TCL1B: variants seen among roughly 807,000 people sequenced by gnomAD.
The protein encoded by TCL1B is T-cell leukemia/lymphoma protein 1B.
TCL1B carries 14 observed loss-of-function variants against 16.9 expected under a neutral mutation model. The ratio of observed to expected loss-of-function variants is 0.83; its 90% CI spans 0.55 to 1.30. The LOEUF is 1.30. Ranked by LOEUF, TCL1B falls within the 50% of genes most tolerant of loss-of-function variation. The probability of loss-of-function intolerance (pLI) is 0.00; values close to 1 mark genes in which losing one functional copy is unlikely to be tolerated. For synonymous variants in TCL1B, 79 were observed against 66.6 expected (o/e 1.19, Z -0.91); for missense variants, 166 against 165.2 (o/e 1.00, Z -0.03).
intron 1 of TCL1B, among the ~76,000 whole-genome samples, chr14:95,687,554 T>C (rs1885788309): frequency 6.6e-6 from 1 of 152,186 alleles, no homozygotes; most frequent in South Asian, 2.1e-4. Context: ...TTTCCCAAAA[T>C]ATTTTTAATC....
intron 1 of TCL1B, among the ~76,000 whole-genome samples, chr14:95,690,122 C>T (rs1885848197): frequency 6.6e-6 from 1 of 152,218 alleles, no homozygotes; most frequent in African/African-American, 2.4e-5. Context: ...CTCACCTTAG[C>T]TTCCCGAGTA....
intron 1 of TCL1B, among the ~76,000 whole-genome samples, chr14:95,686,939 A>T (rs930341339): frequency 6.6e-6 from 1 of 152,158 alleles, no homozygotes; most frequent in Non-Finnish European, 1.5e-5. Context: ...TGGGGCAGCT[A>T]TTGAGCTGGG....
At chr14:95,686,959 A>AT (rs2075003045) in intron 1 of TCL1B, among the ~76,000 whole-genome samples, 1 of 152,186 alleles carries the variant, frequency 6.6e-6, no homozygotes, top group Non-Finnish European at 1.5e-5. Flanking sequence ...GCTTTGTGGG[A>AT]TGAGTAGGAG....
Position 95,691,054 on chromosome 14 carries a change from T to C in TCL1B, c.333+148T>C, listed in dbSNP as rs1002604954. 2.7e-6 allele frequency: 3 copies of C among 1,131,872 alleles called. No individual in the cohort carries two copies. In the African/African-American group the frequency reaches 4.7e-5, roughly 18 times the overall value. The allele number at this position is 1,131,872 out of a possible 1,614,324, so 70.1% of individuals were successfully genotyped here. On this transcript the variant is annotated intron_variant, in intron 2 of 3. Coordinates refer to ENST00000340722, the MANE Select transcript of TCL1B (RefSeq NM_004918.4). ...CTTCCTTCAAGGAGGCCTGAGTGTG[T>C]GTGGGTGGATCGGTGCATGAGTTCC...
intron 1 of TCL1B, among the ~76,000 whole-genome samples, chr14:95,687,099 A>G (rs1030076248): frequency 2.0e-5 from 3 of 152,080 alleles, no homozygotes; most frequent in African/African-American, 7.2e-5. Context: ...AGAATAATAT[A>G]CCTCTGTGGC....
At chr14:95,689,321 G>A (rs986282107) in intron 1 of TCL1B, 1 of 144,212 alleles carries the variant, frequency 6.9e-6, no homozygotes, top group Non-Finnish European at 1.5e-5. Flanking sequence ...AAACAGTTAA[G>A]ATTTTTTTTT....
Position 95,690,900 on chromosome 14 carries a change from TG to T in TCL1B, c.329del (p.Gly110AlafsTer11). ...DSSFWEIADHGQIDSMEQLVL... is the reference protein window; with the variant it reads ...DSSFWEIADHXQIDSMEQLVL... ...CCAGTTTCTGGGAAATAGCAGACCA[TG>T]GCCAGGCAAGTGTGTGGTGGTTCTA... On this transcript the variant is annotated frameshift_variant, in exon 2 of 4. Transcript: ENST00000340722. LOFTEE classifies it high-confidence loss of function. The T allele has an allele frequency of 3.7e-6, 6 of 1,609,658 alleles. No individual in the cohort carries two copies. The highest frequency in any genetic ancestry group is 5.1e-6 in the Non-Finnish European group (6 of 1,177,510).
At chr14:95,687,971 G>C (rs1351545198) in intron 1 of TCL1B, among the ~76,000 whole-genome samples, 2 of 75,334 alleles carry the variant, frequency 2.7e-5, no homozygotes, top group Admixed American at 1.2e-4. Flanking sequence ...AAAAAAAAAT[G>C]CCGTTTAGGT....
At chr14:95,691,160 ACCTGCCTCACC>A in intron 2 of TCL1B, 97 bp from the exon 3 acceptor site, 1 of 1,335,024 alleles carries the variant, frequency 7.5e-7, no homozygotes, top group Non-Finnish European at 1.0e-6. Flanking sequence ...TGGAGTTCCC[ACCTGCCTCACC>A]CCTGCCTGCT....
At position 95,691,337 on chromosome 14, in the gene TCL1B, G is replaced by C. The variant is rs777673143; in HGVS notation, c.*15+1G>C. ...GAAAGACTGACACTGGGAGTGGCTG[G>C]TATGTTGGGGCCCTGTGCGTCTCAG... On this transcript the variant is annotated splice_donor_variant, in intron 3 of 3. Coordinates refer to ENST00000340722, the MANE Select transcript of TCL1B (RefSeq NM_004918.4). LOFTEE classifies it low-confidence loss of function (3UTR_SPLICE). The C allele has an allele frequency of 6.2e-7, 1 of 1,612,974 alleles. No individual in the cohort carries two copies. Among genetic ancestry groups the C allele is most frequent in the Admixed American group, 1.7e-5 (1 of 59,976 alleles).
At chr14:95,688,435 ATT>A (rs1329109411) in intron 1 of TCL1B, among the ~76,000 whole-genome samples, 1 of 152,210 alleles carries the variant, frequency 6.6e-6, no homozygotes, top group Non-Finnish European at 1.5e-5. Context: ...TGGAGCAAAT[ATT>A]TTAAGTTTTT....
chr14:95,688,696 C>A (rs1483563236), intron 1 of TCL1B, among the ~76,000 whole-genome samples: 1 of 152,176 alleles, frequency 6.6e-6, no homozygotes, highest in Non-Finnish European at 1.5e-5. Context: ...AATGGGTAAA[C>A]AACACAAACC....
intron 1 of TCL1B, 68 bp from the exon 2 acceptor site, chr14:95,690,668 G>GCCCA: frequency 6.5e-7 from 1 of 1,539,302 alleles, no homozygotes; most frequent in Non-Finnish European, 8.9e-7. Flanking sequence ...ACTGGCCATT[G>GCCCA]CTTGTGTGCA....
intron 1 of TCL1B, among the ~76,000 whole-genome samples, chr14:95,687,539 CT>C (rs1476051297): frequency 2.0e-5 from 3 of 152,146 alleles, no homozygotes; most frequent in Admixed American, 1.3e-4. Flanking sequence ...TGTGGAATTT[CT>C]TTTTTTCCCA....
rs200883538 is a variant in TCL1B at position 95,686,440 on chromosome 14, A to G, written c.-28A>G. 1.5e-5 allele frequency: 23 copies of G among 1,575,048 alleles called. No individual in the cohort carries two copies. In the African/African-American group the frequency reaches 2.7e-4, roughly 18 times the overall value. On this transcript the variant is annotated 5_prime_UTR_variant, in exon 1 of 4. Coordinates refer to ENST00000340722, the MANE Select transcript of TCL1B (RefSeq NM_004918.4). ...GCTGGAAAGCTACACGTGTGAGCCT[A>G]GAGGCGGGTCCCGGTTGCAGACTTG...
intron 1 of TCL1B, chr14:95,689,422 CCTT>C (rs1411805403): frequency 1.3e-5 from 2 of 151,930 alleles, no homozygotes; most frequent in East Asian, 3.9e-4. Flanking sequence ...TATTTTTTCC[CCTT>C]CTTTCTTAAA....
intron 1 of TCL1B, chr14:95,689,321 GAT>G (rs996190131): frequency 7.6e-5 from 11 of 144,318 alleles, no homozygotes; most frequent in African/African-American, 2.9e-4. Flanking sequence ...AAACAGTTAA[GAT>G]TTTTTTTTTT....
chr14:95,686,965 A>C (rs1451029582), intron 1 of TCL1B, among the ~76,000 whole-genome samples: 1 of 152,240 alleles, frequency 6.6e-6, no homozygotes, highest in Non-Finnish European at 1.5e-5. Flanking sequence ...TGGGATGAGT[A>C]GGAGTTCTCC....
chr14:95,687,854 A>G (rs964656962), intron 1 of TCL1B, among the ~76,000 whole-genome samples: 1 of 148,402 alleles, frequency 6.7e-6, no homozygotes. Flanking sequence ...CGGGAGGCTG[A>G]GGCAGGAGAA....
Sources: gnomAD v4.1 joint callset for allele counts (sites outside exome capture counted in the v4.1 genomes callset) on GRCh38, gnomAD v4.1.1 for gene constraint, MANE v1.5 for transcripts, NCBI Gene and HGNC (gene_info 2026-07-23, HGNC 2026-07-21) for gene names.